The following NCALD variants were observed in gnomAD, a reference collection of about 807,000 sequenced individuals.
The protein encoded by NCALD is neurocalcin delta.
In NCALD, 10 loss-of-function variants were observed where a neutral mutation model predicts 18.6. The ratio of observed to expected loss-of-function variants is 0.54; its 90% CI spans 0.33 to 0.91. NCALD has a LOEUF of 0.91. Ranked by LOEUF, NCALD falls within the 40% of genes least tolerant of loss-of-function variation. The pLI is 0.03. For missense variants in NCALD, 184 were observed against 247.6 expected (o/e 0.74, Z 1.72); for synonymous variants, 88 against 87.4 (o/e 1.01, Z -0.04).
chr8:102,081,682 G>A (rs1824543996), intron 1 of NCALD, among the ~76,000 whole-genome samples: 1 of 151,754 alleles, frequency 6.6e-6, no homozygotes, highest in Non-Finnish European at 1.5e-5. Context: ...CAGACATCGT[G>A]CTGACATTTA....
At chr8:102,090,270 T>C (rs1824881755) in intron 1 of NCALD, among the ~76,000 whole-genome samples, 1 of 152,224 alleles carries the variant, frequency 6.6e-6, no homozygotes, top group South Asian at 2.1e-4. Flanking sequence ...AATTGTTATA[T>C]ACCACAGAAG....
At chr8:101,827,083 G>A (rs1015910393) in intron 4 of NCALD, among the ~76,000 whole-genome samples, 2 of 152,194 alleles carry the variant, frequency 1.3e-5, no homozygotes, top group Admixed American at 1.3e-4. Flanking sequence ...CTGGGTCAAA[G>A]ATATGATGTT....
At chr8:102,115,002 C>A (rs564785719) in intron 1 of NCALD, among the ~76,000 whole-genome samples, 7 of 152,232 alleles carry the variant, frequency 4.6e-5, no homozygotes, top group Non-Finnish European at 7.3e-5. Flanking sequence ...GAGCATGTGA[C>A]CTGTGCCATC....
chr8:101,910,542 G>A (rs1817759060), intron 3 of NCALD, among the ~76,000 whole-genome samples: 2 of 152,186 alleles, frequency 1.3e-5, no homozygotes, highest in South Asian at 4.1e-4. Context: ...AATCCAATGT[G>A]GATTTAATCA....
At chr8:101,773,998 C>T (rs1163326806) in intron 1 of NCALD, among the ~76,000 whole-genome samples, 1 of 152,108 alleles carries the variant, frequency 6.6e-6, no homozygotes, top group Non-Finnish European at 1.5e-5. Context: ...TCATGGAGTA[C>T]CGCTTATGCA....
chr8:101,821,226 T>C (rs1046828332), intron 4 of NCALD, among the ~76,000 whole-genome samples: 1 of 152,236 alleles, frequency 6.6e-6, no homozygotes, highest in Non-Finnish European at 1.5e-5. Context: ...AATCAGTGCA[T>C]TGCTCATGAG....
chr8:101,763,888 C>T (rs907507302), intron 1 of NCALD, among the ~76,000 whole-genome samples: 4 of 151,606 alleles, frequency 2.6e-5, no homozygotes, highest in African/African-American at 7.3e-5. Context: ...CTTGCCAAGT[C>T]ACCCTGCAGA....
intron 1 of NCALD, among the ~76,000 whole-genome samples, chr8:102,114,823 G>A (rs1283912440): frequency 1.3e-5 from 2 of 152,224 alleles, no homozygotes; most frequent in African/African-American, 2.4e-5. Context: ...CAGGGATGTG[G>A]AAGGGCCAAC....
chr8:101,753,196 A>G (rs1810730780), intron 1 of NCALD, among the ~76,000 whole-genome samples: 1 of 152,200 alleles, frequency 6.6e-6, no homozygotes, highest in Non-Finnish European at 1.5e-5. Flanking sequence ...TGAGAATCTT[A>G]AAGTTAAGAA....
chr8:102,071,391 C>T (rs192832519), intron 1 of NCALD, among the ~76,000 whole-genome samples: 5 of 152,246 alleles, frequency 3.3e-5, no homozygotes, highest in South Asian at 2.1e-4. Context: ...ACATAACCAA[C>T]GAAAATTCTC....
At chr8:101,980,501 A>G (rs770710102) in intron 2 of NCALD, among the ~76,000 whole-genome samples, 6 of 152,230 alleles carry the variant, frequency 3.9e-5, no homozygotes, top group Non-Finnish European at 7.3e-5. Flanking sequence ...CTCAGGATAC[A>G]TAGAGAAAAC....
At position 101,689,064 on chromosome 8, in the gene NCALD, A is replaced by T; in HGVS notation, c.*245T>A. On this transcript the variant is annotated 3_prime_UTR_variant, in exon 4 of 4. Coordinates refer to ENST00000220931, the MANE Select transcript of NCALD (RefSeq NM_032041.3). The surrounding 1 kb of genome is among the most constrained non-coding windows in gnomAD (Gnocchi z 4.4). ...AAAAAAAATAATAGTAACGATTAAAAATCATCAAACAATGAACACCACGAA... is the reference window on the plus strand; with the variant it reads ...AAAAAAAATAATAGTAACGATTAAATATCATCAAACAATGAACACCACGAA... 1.4e-6 allele frequency: 1 copy of T among 702,560 alleles called. No individual in the cohort carries two copies. The highest frequency in any genetic ancestry group is 2.6e-6 in the Non-Finnish European group (1 of 384,980). The allele number at this position is 702,560 out of a possible 1,614,324, so 43.5% of individuals were successfully genotyped here. A position where few individuals can be genotyped will look rare whatever the true frequency, so the allele number is the denominator to read the frequency against.
chr8:101,821,217 A>G (rs774858367), intron 4 of NCALD, among the ~76,000 whole-genome samples: 9 of 152,208 alleles, frequency 5.9e-5, no homozygotes, highest in Non-Finnish European at 5.9e-5. Context: ...ATATTTTCAA[A>G]TCAGTGCATT....
chr8:101,868,667 C>T (rs1056802276), intron 4 of NCALD, among the ~76,000 whole-genome samples: 2 of 152,134 alleles, frequency 1.3e-5, no homozygotes, highest in Non-Finnish European at 2.9e-5. Context: ...AGGAGAAGCA[C>T]AGACCAAAAA....
At chr8:101,922,302 C>T (rs902799446) in intron 2 of NCALD, among the ~76,000 whole-genome samples, 9 of 152,086 alleles carry the variant, frequency 5.9e-5, no homozygotes, top group African/African-American at 2.2e-4. Context: ...GAATGGACAG[C>T]CCATTAAATA....
chr8:101,791,589 C>G (rs754571141), upstream of NCALD, among the ~76,000 whole-genome samples: 3 of 152,102 alleles, frequency 2.0e-5, no homozygotes, highest in Non-Finnish European at 4.4e-5. Flanking sequence ...ACAGGTAAGA[C>G]AGTCTAATGA....
At chr8:102,035,615 G>A (rs945763710) in intron 1 of NCALD, among the ~76,000 whole-genome samples, 3 of 151,982 alleles carry the variant, frequency 2.0e-5, no homozygotes, top group African/African-American at 7.3e-5. Flanking sequence ...TGCTTGACTA[G>A]GGTATTAAAA....
At chr8:101,988,154 C>CAAAAAAAAAAAAA (rs141735735) in intron 2 of NCALD, among the ~76,000 whole-genome samples, 1 of 37,160 alleles carries the variant, frequency 2.7e-5, no homozygotes, top group African/African-American at 1.4e-4. Flanking sequence ...GACTCCGTCT[C>CAAAAAAAAAAAAA]AAAAAAAAAA....
intron 1 of NCALD, among the ~76,000 whole-genome samples, chr8:101,783,512 C>T (rs922646119): frequency 6.6e-6 from 1 of 152,126 alleles, no homozygotes; most frequent in Non-Finnish European, 1.5e-5. Context: ...AAACATTGCC[C>T]TAGAAGCATA....
Sources: allele counts gnomAD v4.1 joint callset (sites outside exome capture counted in the v4.1 genomes callset), GRCh38; gene constraint gnomAD v4.1.1; non-coding constraint Gnocchi (gnomAD v3.1); transcripts MANE v1.5; gene names NCBI Gene and HGNC (gene_info 2026-07-23, HGNC 2026-07-21).